The following ESF1 variants were observed in gnomAD, a reference collection of about 807,000 sequenced individuals.
The protein encoded by ESF1 is ESF1 nucleolar pre-rRNA processing protein.
In ESF1, 58 loss-of-function variants were observed where a neutral mutation model predicts 92.0. The observed-to-expected ratio is 0.63, with a 90% CI of 0.51 to 0.78. The LOEUF is 0.78. Among genes scored for constraint, ESF1 ranks in the 30% least tolerant of loss-of-function variants. The pLI is 0.00. For synonymous variants in ESF1, 321 were observed against 313.7 expected, an observed-to-expected ratio of 1.02 and a Z score of -0.24; for missense variants, 922 against 989.1, an observed-to-expected ratio of 0.93 and a Z score of 0.91.
rs182901262 is a variant in ESF1, at chr20:13,767,972, T to C, written c.1519-1048A>G. Among the ~76,000 whole-genome samples, 246 of 152,316 alleles carry C rather than the reference T, an allele frequency of 1.6e-3. 2 individuals carry two copies. The highest frequency in any genetic ancestry group is 5.6e-3 in the African/African-American group (232 of 41,572). ...CCTGAGCTGATAACCACCAAAACAC[T>C]GTTGGAACTAGGACAGATGTTGATG... On this transcript the variant is annotated intron_variant, in intron 7 of 13. Transcript: ENST00000617257.
At chr20:13,739,497 AC>A (rs1181509512) in intron 9 of ESF1, among the ~76,000 whole-genome samples, 11 of 152,308 alleles carry the variant, frequency 7.2e-5, no homozygotes, top group East Asian at 5.8e-4. Flanking sequence ...GTTTGTAATC[AC>A]AATGTACACA....
chr20:13,734,842 T>C (rs748643543), intron 9 of ESF1, among the ~76,000 whole-genome samples: 2 of 152,144 alleles, frequency 1.3e-5, no homozygotes, highest in Non-Finnish European at 2.9e-5. Flanking sequence ...GTAGAAACGA[T>C]ACTAAATACA....
intron 4 of ESF1, among the ~76,000 whole-genome samples, chr20:13,773,480 A>AT (rs201786383): frequency 0.058 from 8,713 of 151,306 alleles, 338 homozygotes; most frequent in Non-Finnish European, 0.087. Context: ...TTGACTTTTA[A>AT]TTTTTTTTTC....
intron 11 of ESF1, among the ~76,000 whole-genome samples, chr20:13,720,852 G>A (rs1488227963): frequency 6.6e-6 from 1 of 152,236 alleles, no homozygotes; most frequent in Non-Finnish European, 1.5e-5. Context: ...TGGGCGCAGT[G>A]GCTCACACCT....
intron 1 of ESF1, among the ~76,000 whole-genome samples, chr20:13,783,419 T>C (rs370073501): frequency 1.3e-4 from 20 of 152,222 alleles, no homozygotes; most frequent in African/African-American, 4.8e-4. Context: ...AAACTTAAGG[T>C]AGACAAAGCA....
intron 2 of ESF1, among the ~76,000 whole-genome samples, chr20:13,776,619 CTCTCAGTGAAACT>C (rs1487234873): frequency 1.3e-5 from 2 of 152,176 alleles, no homozygotes; most frequent in Admixed American, 1.3e-4. Context: ...GCAAACAGTG[CTCTCAGTGAAACT>C]TCTAGCTGAG....
intron 2 of ESF1, among the ~76,000 whole-genome samples, chr20:13,782,051 T>C (rs1423155526): frequency 6.6e-6 from 1 of 152,142 alleles, no homozygotes; most frequent in Non-Finnish European, 1.5e-5. Context: ...TATTTTTTTT[T>C]ATTTTTAGTA....
At chr20:13,760,363 C>T (rs949861737) in intron 8 of ESF1, among the ~76,000 whole-genome samples, 8 of 150,732 alleles carry the variant, frequency 5.3e-5, no homozygotes, top group African/African-American at 9.8e-5. Context: ...CATCTCTGCC[C>T]GGCCGCCCAT....
At chr20:13,740,951 C>A (rs574507278) in intron 9 of ESF1, among the ~76,000 whole-genome samples, 1 of 152,170 alleles carries the variant, frequency 6.6e-6, no homozygotes, top group South Asian at 2.1e-4. Flanking sequence ...TTGGTGCATC[C>A]AAGATAATAG....
In ESF1 at chr20:13,714,880, G is replaced by T; in HGVS notation, c.2550C>A (p.Val850=). 1 of 1,594,820 alleles carries T rather than the reference G, an allele frequency of 6.3e-7. No homozygotes were observed. The highest frequency in any genetic ancestry group is 1.1e-5 in the South Asian group (1 of 87,528). The change falls in exon 14 of 14, where the codon GTC becomes GTA. Residue 850 remains valine (V), a synonymous_variant. Coordinates refer to ENST00000617257, the MANE Select transcript of ESF1 (RefSeq NM_001276380.2). ...AAAAATAAGTAACATCCAGTTATTT[G>T]ACTTTTTGCTTTTTTCTTGCTTGAA... ...EQFQARKKQK[V]K
intron 11 of ESF1, 108 bp downstream of exon 11, chr20:13,728,270 T>C (rs1176553245): frequency 1.3e-6 from 1 of 791,076 alleles, no homozygotes; most frequent in Admixed American, 2.9e-5. Flanking sequence ...CTAAGGGAGC[T>C]ACACAAATAC....
chr20:13,777,189 G>T (rs1233000479), intron 2 of ESF1, among the ~76,000 whole-genome samples: 1 of 152,202 alleles, frequency 6.6e-6, no homozygotes, highest in African/African-American at 2.4e-5. Flanking sequence ...GTAGCACTAA[G>T]TTGGGTGGCA....
intron 11 of ESF1, among the ~76,000 whole-genome samples, chr20:13,721,514 G>A (rs564509868): frequency 1.3e-5 from 2 of 152,320 alleles, no homozygotes; most frequent in African/African-American, 2.4e-5. Context: ...TGGATGAAGC[G>A]AGGGAGGTGA....
Position 13,719,135 on chromosome 20 carries a change from A to C in ESF1, c.2039-151T>G, listed in dbSNP as rs537270351. 8.4e-5 allele frequency: 43 copies of C among 510,782 alleles called. No individual in the cohort carries two copies. In the East Asian group the frequency reaches 1.4e-3, roughly 17 times the overall value. The allele number at this position is 510,782 out of a possible 1,614,324, so 31.6% of individuals were successfully genotyped here. On this transcript the variant is annotated intron_variant, in intron 11 of 13. Coordinates refer to ENST00000617257, the MANE Select transcript of ESF1 (RefSeq NM_001276380.2). ...AAGAAAAAAACACGTTACTGAAAGA[A>C]GACTGTGGGTATATGAATGGAATAA...
At chr20:13,746,615 A>C (rs781581315) in intron 9 of ESF1, among the ~76,000 whole-genome samples, 1 of 152,146 alleles carries the variant, frequency 6.6e-6, no homozygotes, top group Non-Finnish European at 1.5e-5. Context: ...CTTGACATTC[A>C]AGGGTGCCTA....
At position 13,784,912 on chromosome 20, in the gene ESF1, TCA is replaced by T; in HGVS notation, c.-78_-77del. The T allele has an allele frequency of 1.5e-6, 1 of 673,382 alleles. No homozygotes were observed. The allele number at this position is 673,382 out of a possible 1,614,324, so 41.7% of individuals were successfully genotyped here. ...AGTCCTACCAAGCCTCACGTGGGGCTCACACCCACAATCCTCCGCGTGACGCT... is the reference window on the plus strand; with the variant it reads ...AGTCCTACCAAGCCTCACGTGGGGCTCACCCACAATCCTCCGCGTGACGCT... On this transcript the variant is annotated 5_prime_UTR_variant, in exon 1 of 14. Coordinates refer to ENST00000617257, the MANE Select transcript of ESF1 (RefSeq NM_001276380.2).
At chr20:13,751,723 G>T (rs1391722078) in intron 9 of ESF1, among the ~76,000 whole-genome samples, 1 of 152,176 alleles carries the variant, frequency 6.6e-6, no homozygotes, top group African/African-American at 2.4e-5. Flanking sequence ...AATTAAATCG[G>T]CTGGGCGTGG....
At chr20:13,739,584 G>A (rs186650412) in intron 9 of ESF1, among the ~76,000 whole-genome samples, 110 of 152,060 alleles carry the variant, frequency 7.2e-4, no homozygotes, top group African/African-American at 2.4e-3. Context: ...ATTAGTTTAC[G>A]GCAAAGAAGA....
At chr20:13,745,191 C>A (rs956251377) in intron 9 of ESF1, among the ~76,000 whole-genome samples, 2 of 152,228 alleles carry the variant, frequency 1.3e-5, no homozygotes, top group African/African-American at 2.4e-5. Context: ...TGGGAAAACA[C>A]ATGACCTAGT....
Sources: allele counts gnomAD v4.1 joint callset (sites outside exome capture counted in the v4.1 genomes callset), GRCh38; gene constraint gnomAD v4.1.1; transcripts MANE v1.5; gene names NCBI Gene and HGNC (gene_info 2026-07-23, HGNC 2026-07-21).